FSTL4: variants seen among roughly 807,000 people sequenced by gnomAD.
The protein encoded by FSTL4 is follistatin-related protein 4.
Under a neutral mutation model 78.2 loss-of-function variants are expected in FSTL4, and 28 were observed. That is an observed-to-expected ratio of 0.36 (90% CI 0.27 to 0.49). FSTL4 has a LOEUF of 0.49. Ranked by LOEUF, FSTL4 falls within the 20% of genes least tolerant of loss-of-function variation. The pLI, the probability that FSTL4 is intolerant of heterozygous loss-of-function variation, is 0.98. For missense variants in FSTL4, 922 were observed against 1,084.9 expected (o/e 0.85, Z 2.11); for synonymous variants, 422 against 440.5 (o/e 0.96, Z 0.53).
At chr5:133,817,897 C>G in the FSTL4 span, among the ~76,000 whole-genome samples, 1 of 152,230 alleles carries the variant, frequency 6.6e-6, no homozygotes, top group Admixed American at 6.5e-5. Flanking sequence ...CCAGCAAAAA[C>G]AGTGGCCCCA....
the FSTL4 span, among the ~76,000 whole-genome samples, chr5:133,811,707 T>C: frequency 1.3e-5 from 2 of 152,218 alleles, no homozygotes; most frequent in Non-Finnish European, 2.9e-5. Flanking sequence ...CCTCTAAATA[T>C]GGGAAGGCCC....
chr5:133,441,230 C>A (rs571274010), intron 3 of FSTL4, among the ~76,000 whole-genome samples: 206 of 152,232 alleles, frequency 1.4e-3, no homozygotes, highest in African/African-American at 4.8e-3. Flanking sequence ...TGCCTTCCTG[C>A]ACCTGAGGGG....
At chr5:133,798,581 C>A in the FSTL4 span, among the ~76,000 whole-genome samples, 1 of 152,024 alleles carries the variant, frequency 6.6e-6, no homozygotes, top group Non-Finnish European at 1.5e-5. Context: ...AAACAAGGGA[C>A]GCCATGTACA....
intron 3 of FSTL4, among the ~76,000 whole-genome samples, chr5:133,549,133 C>T (rs1759641432): frequency 6.6e-6 from 1 of 152,132 alleles, no homozygotes. Context: ...CTGAGGATAG[C>T]TGTCTTCCTT....
intron 3 of FSTL4, among the ~76,000 whole-genome samples, chr5:133,521,518 G>C (rs1758981956): frequency 6.6e-6 from 1 of 152,050 alleles, no homozygotes; most frequent in East Asian, 1.9e-4. Context: ...TTCAGCACCG[G>C]GGAGAGTGCC....
intron 4 of FSTL4, among the ~76,000 whole-genome samples, chr5:133,378,622 G>A (rs1488191900): frequency 1.3e-5 from 2 of 152,006 alleles, no homozygotes; most frequent in African/African-American, 4.8e-5. Flanking sequence ...AGTAATAGCA[G>A]AAAAATGTAA....
intron 3 of FSTL4, among the ~76,000 whole-genome samples, chr5:133,540,207 G>A (rs1759437627): frequency 6.6e-6 from 1 of 151,868 alleles, no homozygotes; most frequent in Non-Finnish European, 1.5e-5. Context: ...AATTGCAAGA[G>A]ATAATTCCTT....
chr5:133,552,281 T>G (rs1246418835), intron 3 of FSTL4, among the ~76,000 whole-genome samples: 5 of 152,210 alleles, frequency 3.3e-5, no homozygotes, highest in African/African-American at 4.8e-5. Flanking sequence ...TTAAGGAGCA[T>G]GGGTCTTCTG....
chr5:133,795,905 G>A, the FSTL4 span, among the ~76,000 whole-genome samples: 26 of 152,312 alleles, frequency 1.7e-4, no homozygotes, highest in Admixed American at 7.8e-4. Flanking sequence ...CCAGGCCTGC[G>A]TGGGGAGGAG....
At chr5:133,383,045 A>G (rs1430870008) in intron 4 of FSTL4, among the ~76,000 whole-genome samples, 1 of 151,768 alleles carries the variant, frequency 6.6e-6, no homozygotes, top group East Asian at 1.9e-4. Context: ...CTGACATGTT[A>G]CTCCTTGGCC....
At chr5:133,418,841 C>A (rs1449346562) in intron 3 of FSTL4, among the ~76,000 whole-genome samples, 1 of 152,206 alleles carries the variant, frequency 6.6e-6, no homozygotes. Flanking sequence ...CATATCACAA[C>A]CAAGACAACA....
the FSTL4 span, among the ~76,000 whole-genome samples, chr5:133,738,390 G>A: frequency 2.0e-5 from 3 of 152,178 alleles, no homozygotes; most frequent in African/African-American, 7.2e-5. Flanking sequence ...AGAGCAGGAC[G>A]TGGTCTGAGC....
chr5:133,470,009 G>A (rs928000460), intron 3 of FSTL4, among the ~76,000 whole-genome samples: 4 of 152,106 alleles, frequency 2.6e-5, no homozygotes, highest in African/African-American at 9.7e-5. Context: ...GAACCACGGT[G>A]GTTCCTGTGG....
intron 3 of FSTL4, among the ~76,000 whole-genome samples, chr5:133,468,627 C>T (rs933450257): frequency 6.6e-6 from 1 of 152,186 alleles, no homozygotes; most frequent in Non-Finnish European, 1.5e-5. Context: ...CACCACCATT[C>T]AGGCCGCAGG....
intron 6 of FSTL4, among the ~76,000 whole-genome samples, chr5:133,271,912 G>A (rs1255656150): frequency 2.0e-5 from 3 of 152,186 alleles, no homozygotes; most frequent in African/African-American, 7.2e-5. Context: ...GGGATGCAGG[G>A]GATGCCCTCC....
At chr5:133,478,161 G>C (rs892419359) in intron 3 of FSTL4, among the ~76,000 whole-genome samples, 4 of 152,196 alleles carry the variant, frequency 2.6e-5, no homozygotes, top group African/African-American at 9.7e-5. Flanking sequence ...AATGAAAAAT[G>C]TGTGGGAATG....
chr5:133,730,231 G>C, the FSTL4 span, among the ~76,000 whole-genome samples: 2,694 of 152,330 alleles, frequency 0.018, 87 homozygotes, highest in African/African-American at 0.06. Context: ...GCAGTGGCCA[G>C]AGAGTTCCAA....
intron 6 of FSTL4, among the ~76,000 whole-genome samples, chr5:133,268,305 C>T (rs150456294): frequency 2.6e-5 from 4 of 152,304 alleles, no homozygotes; most frequent in Admixed American, 6.5e-5. Context: ...ACTTTGGGTC[C>T]GGTCAACTTT....
At chr5:133,221,902 T>TTTG (rs1407135789) in intron 11 of FSTL4, among the ~76,000 whole-genome samples, 6 of 99,694 alleles carry the variant, frequency 6.0e-5, no homozygotes, top group African/African-American at 3.4e-4. Flanking sequence ...TTTTTTTTTT[T>TTTG]TTTTTTTTTT....
Sources: allele counts gnomAD v4.1 joint callset (sites outside exome capture counted in the v4.1 genomes callset), GRCh38; gene constraint gnomAD v4.1.1; transcripts MANE v1.5; gene names NCBI Gene and HGNC (gene_info 2026-07-23, HGNC 2026-07-21).